Variants in PTPRG observed in about 807,000 individuals in gnomAD.
The protein encoded by PTPRG is receptor-type tyrosine-protein phosphatase gamma.
In PTPRG, 102 loss-of-function variants were observed where a neutral mutation model predicts 165.3. The ratio of observed to expected loss-of-function variants is 0.62; its 90% CI spans 0.53 to 0.73. The LOEUF is 0.73. Ranked by LOEUF, PTPRG falls within the 30% of genes least tolerant of loss-of-function variation. PTPRG has a pLI of 0.00. For missense variants in PTPRG, 1,866 were observed against 1,861.4 expected, an observed-to-expected ratio of 1.00 and a Z score of -0.05; for synonymous variants, 675 against 669.5, an observed-to-expected ratio of 1.01 and a Z score of -0.13.
chr3:61,700,215 T>C (rs1181214634), intron 1 of PTPRG, among the ~76,000 whole-genome samples: 1 of 152,198 alleles, frequency 6.6e-6, no homozygotes, highest in Non-Finnish European at 1.5e-5. Context: ...AACTCTCACA[T>C]TGCTAGAACG....
chr3:61,953,466 C>T (rs1460304223), intron 2 of PTPRG, among the ~76,000 whole-genome samples: 2 of 152,164 alleles, frequency 1.3e-5, no homozygotes, highest in Admixed American at 1.3e-4. Context: ...CCTCTAGGAA[C>T]GTGAGCACTT....
chr3:61,790,315 T>C (rs1412865970), intron 2 of PTPRG, among the ~76,000 whole-genome samples: 1 of 152,240 alleles, frequency 6.6e-6, no homozygotes, highest in Admixed American at 6.5e-5. Flanking sequence ...GTCCCTTCCT[T>C]AAGCACAGAG....
chr3:62,170,032 C>G (rs1705157199), intron 8 of PTPRG, among the ~76,000 whole-genome samples: 1 of 152,104 alleles, frequency 6.6e-6, no homozygotes, highest in Non-Finnish European at 1.5e-5. Context: ...TCCTTCCTGT[C>G]TGTGTGATTT....
At chr3:61,760,629 G>T (rs1455932436) in intron 2 of PTPRG, among the ~76,000 whole-genome samples, 1 of 152,068 alleles carries the variant, frequency 6.6e-6, no homozygotes, top group Admixed American at 6.6e-5. Flanking sequence ...AAGTTCAGGG[G>T]TACTTGTACA....
intron 5 of PTPRG, among the ~76,000 whole-genome samples, chr3:62,106,823 G>T (rs1027608428): frequency 1.3e-5 from 2 of 152,112 alleles, no homozygotes; most frequent in African/African-American, 4.8e-5. Context: ...TATTTTAATT[G>T]TATCTATTTC....
intron 4 of PTPRG, among the ~76,000 whole-genome samples, chr3:62,005,323 T>G (rs912009065): frequency 2.0e-5 from 3 of 152,224 alleles, no homozygotes; most frequent in African/African-American, 7.2e-5. Flanking sequence ...TATTTCCACT[T>G]GGAAAACTTT....
At chr3:62,243,928 G>T in intron 15 of PTPRG, 30 bp downstream of exon 15, 2 of 1,275,468 alleles carry the variant, frequency 1.6e-6, no homozygotes, top group East Asian at 4.7e-5. Context: ...TATTTCCAAT[G>T]GGCTAATTGT....
At chr3:61,832,317 T>A (rs951532771) in intron 2 of PTPRG, among the ~76,000 whole-genome samples, 1 of 152,224 alleles carries the variant, frequency 6.6e-6, no homozygotes, top group Non-Finnish European at 1.5e-5. Flanking sequence ...TATCTCTTTT[T>A]AAAAACATTA....
In PTPRG at chr3:61,738,314, A is replaced by G. The variant is rs1159062911; in HGVS notation, c.86-10564A>G. On this transcript the variant is annotated intron_variant, in intron 1 of 29. Transcript: ENST00000474889. ...TATATATATATATATATATATATAC[A>G]TATATATATATATATATATATATGT... Among the ~76,000 whole-genome samples the G allele has an allele frequency of 1.0e-3, 79 of 78,714 alleles. 5 individuals carry two copies. Among genetic ancestry groups the G allele is most frequent in the Middle Eastern group, 5.7e-3 (1 of 174 alleles). The allele number at this position is 78,714 out of a possible 152,430, so 51.6% of individuals were successfully genotyped here. A position where few individuals can be genotyped will look rare whatever the true frequency, so the allele number is the denominator to read the frequency against.
At chr3:61,889,805 C>G (rs543326275) in intron 2 of PTPRG, among the ~76,000 whole-genome samples, 1 of 152,128 alleles carries the variant, frequency 6.6e-6, no homozygotes, top group African/African-American at 2.4e-5. Context: ...GTATTTTCTT[C>G]TTGTTATTTT....
At chr3:61,943,886 A>G (rs1180293785) in intron 2 of PTPRG, among the ~76,000 whole-genome samples, 1 of 152,212 alleles carries the variant, frequency 6.6e-6, no homozygotes, top group Non-Finnish European at 1.5e-5. Context: ...AAGAATAGAG[A>G]AAACAGAGAA....
intron 5 of PTPRG, chr3:62,124,396 G>A: frequency 3.1e-6 from 5 of 1,613,682 alleles, no homozygotes; most frequent in Non-Finnish European, 4.2e-6. Context: ...GGTCCAAGAT[G>A]TAGTCGATGA....
chr3:62,172,872 T>C (rs1705271383), intron 8 of PTPRG, among the ~76,000 whole-genome samples: 1 of 152,268 alleles, frequency 6.6e-6, no homozygotes, highest in Non-Finnish European at 1.5e-5. Flanking sequence ...TGATGTTTTA[T>C]GCATTCATCG....
At chr3:62,102,925 A>AT (rs1422715804) in intron 5 of PTPRG, among the ~76,000 whole-genome samples, 1 of 152,152 alleles carries the variant, frequency 6.6e-6, no homozygotes, top group Non-Finnish European at 1.5e-5. Flanking sequence ...TTGAAAAGGC[A>AT]TTTTTTAGCT....
At chr3:61,775,662 C>G (rs997688739) in intron 2 of PTPRG, among the ~76,000 whole-genome samples, 2 of 151,990 alleles carry the variant, frequency 1.3e-5, no homozygotes, top group African/African-American at 4.8e-5. Flanking sequence ...GCTAAGAAAT[C>G]AAGGTTCTGC....
chr3:61,987,523 C>T (rs1360980358), intron 2 of PTPRG, among the ~76,000 whole-genome samples: 2 of 152,076 alleles, frequency 1.3e-5, no homozygotes, highest in African/African-American at 2.4e-5. Context: ...TGGCTTGCAT[C>T]TATTATTTGA....
chr3:62,138,338 G>T (rs562589951), intron 6 of PTPRG, among the ~76,000 whole-genome samples: 32 of 152,246 alleles, frequency 2.1e-4, no homozygotes, highest in African/African-American at 7.2e-4. Context: ...CCACATCATT[G>T]TTGCAAATAT....
chr3:62,036,006 C>T (rs1168129241), intron 4 of PTPRG, among the ~76,000 whole-genome samples: 3 of 150,954 alleles, frequency 2.0e-5, no homozygotes, highest in Non-Finnish European at 4.4e-5. Flanking sequence ...TTTCTATGTG[C>T]CAGACAGTGC....
At chr3:62,168,587 A>G (rs529661504) in intron 8 of PTPRG, among the ~76,000 whole-genome samples, 6 of 152,288 alleles carry the variant, frequency 3.9e-5, no homozygotes, top group Admixed American at 3.3e-4. Flanking sequence ...TCATCTGTTC[A>G]GTCACCATTC....
Sources: allele counts gnomAD v4.1 joint callset (sites outside exome capture counted in the v4.1 genomes callset), GRCh38; gene constraint gnomAD v4.1.1; transcripts MANE v1.5; gene names NCBI Gene and HGNC (gene_info 2026-07-23, HGNC 2026-07-21).